The following RFT1 variants were observed in gnomAD, a reference collection of about 807,000 sequenced individuals.
The protein encoded by RFT1 is man(5)GlcNAc(2)-PP-dolichol translocation protein RFT1.
RFT1 carries 43 observed loss-of-function variants against 62.2 expected under a neutral mutation model. The observed-to-expected ratio is 0.69, with a 90% CI of 0.54 to 0.89. The LOEUF (loss-of-function observed/expected upper bound fraction) is 0.89, where lower values mean the gene tolerates loss of function less well. Ranked by LOEUF, RFT1 falls within the 40% of genes least tolerant of loss-of-function variation. RFT1 has a pLI of 0.00. For missense variants in RFT1, 605 were observed against 649.9 expected (o/e 0.93, Z 0.75); for synonymous variants, 262 against 264.6 (o/e 0.99, Z 0.10).
At chr3:53,120,565 G>A (rs1438397433) in intron 5 of RFT1, among the ~76,000 whole-genome samples, 1 of 152,170 alleles carries the variant, frequency 6.6e-6, no homozygotes, top group East Asian at 1.9e-4. Flanking sequence ...GGTGATAAGA[G>A]GGCCCACCCC....
At chr3:53,095,715 C>CA (rs1337229656) in intron 11 of RFT1, among the ~76,000 whole-genome samples, 3 of 58,488 alleles carry the variant, frequency 5.1e-5, no homozygotes, top group Non-Finnish European at 1.1e-4. Context: ...GACCCTGTCT[C>CA]AAAAAAAGTT....
chr3:53,077,870 G>A, the RFT1 span: 1 of 152,340 alleles, frequency 6.6e-6, no homozygotes, highest in South Asian at 2.1e-4. Flanking sequence ...CAAGTGACAG[G>A]TTGCCACGAT....
At position 53,123,835 on chromosome 3, in the gene RFT1, G is replaced by A. The variant is rs764531159; in HGVS notation, c.155C>T (p.Thr52Met). The change falls in exon 3 of 13, where the codon ACG becomes ATG. Residue 52 changes from threonine to methionine, a missense_variant. Transcript: ENST00000296292. The stretch of plus-strand genomic sequence containing the variant: ...GAAGAGGGTGGTTGAGTAAAGCAGC[G>A]TTAGTCTGTAAATGAAAGGGAGAAA... ...EIVGVVNVRLTLLYSTTLFLA... is the reference protein window; with the variant it reads ...EIVGVVNVRLMLLYSTTLFLA... 1.1e-5 allele frequency: 17 copies of A among 1,612,918 alleles called. No individual in the cohort carries two copies. Among genetic ancestry groups the A allele is most frequent in the African/African-American group, 4.0e-5 (3 of 74,920 alleles).
the RFT1 span, among the ~76,000 whole-genome samples, chr3:53,067,222 T>C: frequency 6.6e-6 from 1 of 152,172 alleles, no homozygotes; most frequent in African/African-American, 2.4e-5. Context: ...GGAGCATGTC[T>C]GTAGTCCCAG....
the RFT1 span, among the ~76,000 whole-genome samples, chr3:53,074,362 C>T: frequency 6.6e-6 from 1 of 152,210 alleles, no homozygotes; most frequent in East Asian, 1.9e-4. Context: ...TCATGTATTA[C>T]GTGTCCAGGA....
At chr3:53,104,542 C>T (rs1701410393) in intron 9 of RFT1, among the ~76,000 whole-genome samples, 1 of 152,178 alleles carries the variant, frequency 6.6e-6, no homozygotes, top group South Asian at 2.1e-4. Context: ...AATATTTATT[C>T]TTAAATGTGC....
At chr3:53,124,064 G>C (rs76119846) in intron 2 of RFT1, among the ~76,000 whole-genome samples, 7 of 152,206 alleles carry the variant, frequency 4.6e-5, no homozygotes, top group Admixed American at 3.9e-4. Context: ...CTACAGTTAC[G>C]TGAAGGATAG....
the RFT1 span, among the ~76,000 whole-genome samples, chr3:53,079,161 C>T: frequency 2.2e-4 from 34 of 152,286 alleles, no homozygotes; most frequent in African/African-American, 7.5e-4. Flanking sequence ...GTCCCACAGA[C>T]GCTGATAGAA....
chr3:53,108,229 A>G (rs879730745), intron 7 of RFT1, among the ~76,000 whole-genome samples: 1 of 129,616 alleles, frequency 7.7e-6, no homozygotes, highest in Non-Finnish European at 1.7e-5. Flanking sequence ...TTTTTTTTGT[A>G]TTTTTAGTAG....
chr3:53,076,643 T>C, the RFT1 span, among the ~76,000 whole-genome samples: 4 of 152,022 alleles, frequency 2.6e-5, no homozygotes, highest in African/African-American at 7.3e-5. Flanking sequence ...TTTTCCATAG[T>C]AGGAAATCAA....
At chr3:53,072,436 G>T in the RFT1 span, among the ~76,000 whole-genome samples, 19 of 152,320 alleles carry the variant, frequency 1.2e-4, no homozygotes, top group Non-Finnish European at 2.4e-4. Context: ...ACTCTCAGAA[G>T]TATCTGTCCC....
chr3:53,094,486 T>TAAA (rs1371730206), intron 11 of RFT1, among the ~76,000 whole-genome samples: 3 of 152,078 alleles, frequency 2.0e-5, no homozygotes, highest in African/African-American at 7.2e-5. Context: ...GAGTCTCTTT[T>TAAA]AATGAAGTAC....
intron 10 of RFT1, chr3:53,103,606 AT>A: frequency 2.8e-6 from 1 of 361,538 alleles, no homozygotes; most frequent in South Asian, 2.3e-5. Context: ...GTGGAGACTC[AT>A]TACCGTCTGC....
In RFT1 at chr3:53,089,158, G is replaced by A. The variant is rs1700925323; in HGVS notation, c.*2745C>T. On this transcript the variant is annotated 3_prime_UTR_variant, in exon 13 of 13. Transcript: ENST00000296292. ...TCAATAAATAAATAAATAAAGACAG[G>A]AGGAAGGAGGGGCCCTGCTTGAATC... 3 of 152,396 alleles carry A rather than the reference G, an allele frequency of 2.0e-5. No homozygotes were observed. The allele number at this position is 152,396 out of a possible 1,614,324, so 9.4% of individuals were successfully genotyped here. A position where few individuals can be genotyped will look rare whatever the true frequency, so the allele number is the denominator to read the frequency against.
chr3:53,106,673 C>T (rs1208347899), intron 8 of RFT1, 146 bp downstream of exon 8: 1 of 697,000 alleles, frequency 1.4e-6, no homozygotes, highest in Non-Finnish European at 2.5e-6. Context: ...AGGGCATAGT[C>T]AGTACAAAGA....
At chr3:53,074,745 T>C in the RFT1 span, among the ~76,000 whole-genome samples, 1 of 152,156 alleles carries the variant, frequency 6.6e-6, no homozygotes, top group Non-Finnish European at 1.5e-5. Context: ...TTTGTGTCCC[T>C]TGATCCTTTA....
chr3:53,091,828 T>C lies in RFT1; in HGVS notation c.*75A>G. On this transcript the variant is annotated 3_prime_UTR_variant, in exon 13 of 13. Coordinates refer to ENST00000296292, the MANE Select transcript of RFT1 (RefSeq NM_052859.4). ...GCTGCAGAGCCCTCAGTGGGGCTCTTACACAGAATGTGTTCCACCCACAGA... is the reference window on the plus strand; with the variant it reads ...GCTGCAGAGCCCTCAGTGGGGCTCTCACACAGAATGTGTTCCACCCACAGA... 1 of 1,532,334 alleles carries C rather than the reference T, an allele frequency of 6.5e-7. No homozygotes were observed. The highest frequency in any genetic ancestry group is 9.0e-7 in the Non-Finnish European group (1 of 1,108,404). 94.9% of individuals were successfully genotyped at this position (1,532,334 alleles called of 1,614,324 possible). A position where few individuals can be genotyped will look rare whatever the true frequency, so the allele number is the denominator to read the frequency against.
intron 7 of RFT1, among the ~76,000 whole-genome samples, chr3:53,111,152 G>A (rs772873106): frequency 2.6e-5 from 4 of 151,996 alleles, no homozygotes; most frequent in South Asian, 2.1e-4. Flanking sequence ...GGTGGCTCGC[G>A]CCTGTAATCC....
downstream of RFT1, among the ~76,000 whole-genome samples, chr3:53,086,295 TGTTCA>T (rs1700852546): frequency 6.6e-6 from 1 of 152,120 alleles, no homozygotes; most frequent in African/African-American, 2.4e-5. Flanking sequence ...GTAGTGATCT[TGTTCA>T]GTTGCTTTTT....
Sources: gnomAD v4.1 joint callset for allele counts (sites outside exome capture counted in the v4.1 genomes callset) on GRCh38, gnomAD v4.1.1 for gene constraint, MANE v1.5 for transcripts, NCBI Gene and HGNC (gene_info 2026-07-23, HGNC 2026-07-21) for gene names.